KCNIP4: variants seen among roughly 807,000 people sequenced by gnomAD.
The protein encoded by KCNIP4 is potassium voltage-gated channel interacting protein 4, also known as Kv channel-interacting protein 4.
A neutral mutation model predicts 34.0 loss-of-function variants in KCNIP4; 12 were observed. The ratio of observed to expected loss-of-function variants is 0.35; its 90% CI spans 0.23 to 0.57. The LOEUF (loss-of-function observed/expected upper bound fraction) is 0.57, where lower values mean the gene tolerates loss of function less well. KCNIP4 is among the 20% of genes least tolerant of loss of function. KCNIP4 has a pLI of 0.83. For missense variants in KCNIP4, 238 were observed against 311.7 expected, an observed-to-expected ratio of 0.76 and a Z score of 1.78; for synonymous variants, 124 against 102.2, an observed-to-expected ratio of 1.21 and a Z score of -1.29.
intron 1 of KCNIP4, among the ~76,000 whole-genome samples, chr4:21,186,865 T>C (rs550758609): frequency 7.6e-4 from 115 of 152,250 alleles, no homozygotes; most frequent in African/African-American, 2.5e-3. Context: ...CCCAGGCTGA[T>C]CTTGAACTCC....
chr4:21,845,533 C>T (rs1397114391), intron 1 of KCNIP4: 1 of 151,958 alleles, frequency 6.6e-6, no homozygotes, highest in Non-Finnish European at 1.5e-5. Flanking sequence ...TTCTTTTTTC[C>T]AAAAGCATAA....
intron 1 of KCNIP4, among the ~76,000 whole-genome samples, chr4:21,436,957 T>C (rs754865840): frequency 1.2e-4 from 18 of 152,186 alleles, no homozygotes; most frequent in Non-Finnish European, 2.4e-4. Context: ...CAAGTCCATA[T>C]TCTAACACCT....
At chr4:21,782,937 G>A (rs1265656053) in intron 1 of KCNIP4, among the ~76,000 whole-genome samples, 7 of 152,152 alleles carry the variant, frequency 4.6e-5, no homozygotes, top group Non-Finnish European at 8.8e-5. Flanking sequence ...TATGATCCAT[G>A]TAGGTAAAAT....
intron 1 of KCNIP4, among the ~76,000 whole-genome samples, chr4:21,296,974 A>G (rs1763873711): frequency 1.3e-5 from 2 of 151,730 alleles, no homozygotes; most frequent in East Asian, 1.9e-4. Context: ...GTGTGTGTGT[A>G]TATATTTATA....
chr4:20,967,376 T>C (rs1449366263), intron 1 of KCNIP4, among the ~76,000 whole-genome samples: 1 of 152,168 alleles, frequency 6.6e-6, no homozygotes, highest in African/African-American at 2.4e-5. Flanking sequence ...GTAGATTCAA[T>C]GCAATCCCCA....
At chr4:21,855,660 TG>T (rs1183986111) in intron 1 of KCNIP4, 2 of 152,220 alleles carry the variant, frequency 1.3e-5, no homozygotes, top group Non-Finnish European at 1.5e-5. Context: ...AATTGGCTTC[TG>T]GGTCCTACCT....
intron 2 of KCNIP4, among the ~76,000 whole-genome samples, chr4:20,854,320 A>C (rs2149487611): frequency 6.6e-6 from 1 of 152,308 alleles, no homozygotes; most frequent in East Asian, 1.9e-4. Flanking sequence ...ACAAAAAGGA[A>C]AGAATTAATG....
At chr4:20,879,614 T>G (rs908463455) in intron 2 of KCNIP4, among the ~76,000 whole-genome samples, 1 of 152,232 alleles carries the variant, frequency 6.6e-6, no homozygotes, top group African/African-American at 2.4e-5. Context: ...ATATGCTGCT[T>G]CTTTTAATGC....
intron 1 of KCNIP4, among the ~76,000 whole-genome samples, chr4:21,376,947 G>A (rs1237914449): frequency 6.6e-6 from 1 of 152,190 alleles, no homozygotes; most frequent in Non-Finnish European, 1.5e-5. Context: ...TCTGAGTAAA[G>A]ATGGAATATC....
At chr4:21,711,216 G>T (rs946113059) in intron 1 of KCNIP4, among the ~76,000 whole-genome samples, 1 of 152,346 alleles carries the variant, frequency 6.6e-6, no homozygotes, top group African/African-American at 2.4e-5. Flanking sequence ...GCTCACGCCT[G>T]TAATCCCAGC....
intron 1 of KCNIP4, among the ~76,000 whole-genome samples, chr4:21,233,631 T>C (rs1158708486): frequency 6.6e-6 from 1 of 151,670 alleles, no homozygotes; most frequent in Non-Finnish European, 1.5e-5. Context: ...AAAGAACACA[T>C]TTCTTTCTCA....
chr4:21,679,033 T>C (rs1466643932), intron 1 of KCNIP4, among the ~76,000 whole-genome samples: 1 of 152,010 alleles, frequency 6.6e-6, no homozygotes. Context: ...CATGAAGACA[T>C]AGTGACAAGG....
chr4:20,960,703 T>G (rs1733765263), intron 1 of KCNIP4, among the ~76,000 whole-genome samples: 2 of 152,184 alleles, frequency 1.3e-5, no homozygotes, highest in African/African-American at 4.8e-5. Flanking sequence ...ATGCAGCACC[T>G]ACAAAGTGCT....
At chr4:20,930,809 T>A (rs1328332262) in intron 1 of KCNIP4, among the ~76,000 whole-genome samples, 1 of 148,126 alleles carries the variant, frequency 6.8e-6, no homozygotes, top group Non-Finnish European at 1.5e-5. Context: ...CTATGAGATA[T>A]CACCCTTCAC....
At chr4:21,629,991 T>C (rs1219461595) in intron 1 of KCNIP4, among the ~76,000 whole-genome samples, 1 of 149,624 alleles carries the variant, frequency 6.7e-6, no homozygotes, top group Non-Finnish European at 1.5e-5. Flanking sequence ...GCTGAGACCA[T>C]AGGCATGGAC....
intron 2 of KCNIP4, among the ~76,000 whole-genome samples, chr4:20,864,359 A>G (rs73242536): frequency 0.1 from 15,357 of 150,972 alleles, 843 homozygotes; most frequent in Middle Eastern, 0.14. Context: ...TATAACATGT[A>G]TATATGTATG....
chr4:21,734,300 A>G (rs544635412), intron 1 of KCNIP4, among the ~76,000 whole-genome samples: 1 of 152,300 alleles, frequency 6.6e-6, no homozygotes, highest in Non-Finnish European at 1.5e-5. Context: ...TGGAATGTAC[A>G]TTAGGAAGAC....
chr4:21,777,104 G>C (rs1352022791), intron 1 of KCNIP4, among the ~76,000 whole-genome samples: 1 of 152,108 alleles, frequency 6.6e-6, no homozygotes, highest in Non-Finnish European at 1.5e-5. Context: ...GGGTTCTCCT[G>C]CCTTCACTCT....
At chr4:20,850,782 A>G (rs937170521) in intron 2 of KCNIP4, 115 bp from the exon 3 acceptor site, 15 of 1,254,462 alleles carry the variant, frequency 1.2e-5, no homozygotes, top group Non-Finnish European at 1.6e-5. Context: ...CTGTCCACAG[A>G]GGAAGGACCC....
Sources: allele counts gnomAD v4.1 joint callset (sites outside exome capture counted in the v4.1 genomes callset), GRCh38; gene constraint gnomAD v4.1.1; transcripts MANE v1.5; gene names NCBI Gene and HGNC (gene_info 2026-07-23, HGNC 2026-07-21).